Variants in FAM193A observed in about 807,000 individuals in gnomAD.
The protein encoded by FAM193A is family with sequence similarity 193 member A.
A neutral mutation model predicts 126.5 loss-of-function variants in FAM193A; 22 were observed. That is an observed-to-expected ratio of 0.17 (90% CI 0.12 to 0.25). The LOEUF is 0.25. Ranked by LOEUF, FAM193A falls within the 10% of genes least tolerant of loss-of-function variation. The pLI, the probability that FAM193A is intolerant of heterozygous loss-of-function variation, is 1.00. For missense variants in FAM193A, 1,675 were observed against 1,672.8 expected (o/e 1.00, Z -0.02); for synonymous variants, 761 against 646.8 (o/e 1.18, Z -2.68).
intron 2 of FAM193A, among the ~76,000 whole-genome samples, chr4:2,612,087 C>T (rs1013588723): frequency 6.6e-5 from 10 of 151,786 alleles, no homozygotes; most frequent in Admixed American, 1.3e-4. Context: ...CCGTCTGTCT[C>T]GGCCTCCCAA....
At chr4:2,634,695 A>G (rs539689609) in intron 5 of FAM193A, among the ~76,000 whole-genome samples, 7 of 152,368 alleles carry the variant, frequency 4.6e-5, no homozygotes, top group South Asian at 2.1e-4. Context: ...ACTGAAAAAT[A>G]CTAGTGTTCA....
Position 2,699,826 on chromosome 4 carries a change from T to G in FAM193A, c.3654T>G (p.Leu1218=). 1 of 1,613,534 alleles carries G rather than the reference T, an allele frequency of 6.2e-7. No individual in the cohort carries two copies. The highest frequency in any genetic ancestry group is 8.5e-7 in the Non-Finnish European group (1 of 1,179,826). The change falls in exon 19 of 21, where the codon CTT becomes CTG. Residue 1218 remains leucine (L), a synonymous_variant. Coordinates refer to ENST00000637812, the MANE Select transcript of FAM193A (RefSeq NM_001366318.2). The stretch of plus-strand genomic sequence containing the variant: ...AGGAATTTCAGCGGCTTCAGGAGCT[T>G]CAGAAGCTAAGAGCTGTAAAAAAGA... ...FKEEFQRLQE[L]QKLRAVKKKK... is the part of the protein sequence containing the mutation.
chr4:2,696,672 A>C (rs1288679186), intron 18 of FAM193A, 79 bp downstream of exon 18: 2 of 1,123,120 alleles, frequency 1.8e-6, no homozygotes, highest in South Asian at 1.4e-5. Flanking sequence ...GTCTCTAGGC[A>C]GGGCTGAGCC....
Position 2,693,120 on chromosome 4 carries a change from G to A in FAM193A, c.2804-466G>A, listed in dbSNP as rs983674847. Among the ~76,000 whole-genome samples, 3 of 152,034 alleles carry A rather than the reference G, an allele frequency of 2.0e-5. No individual in the cohort carries two copies. In the South Asian group the frequency reaches 6.2e-4, roughly 32 times the overall value. On this transcript the variant is annotated intron_variant, in intron 15 of 20. Transcript: ENST00000637812. ...CTGCTGGAGTGCAGTGGTGCGATCT[G>A]TGATCCTCCTGCATCAGCCTCCCGC...
chr4:2,593,144 G>A (rs1740663275), intron 1 of FAM193A, among the ~76,000 whole-genome samples: 4 of 152,138 alleles, frequency 2.6e-5, no homozygotes, highest in Admixed American at 2.6e-4. Flanking sequence ...CTTCATACTT[G>A]TCCCTAGCTC....
intron 2 of FAM193A, chr4:2,608,284 C>T (rs1248529484): frequency 2.2e-5 from 14 of 629,866 alleles, no homozygotes; most frequent in Non-Finnish European, 8.1e-6. Flanking sequence ...GTTCAAGCAA[C>T]CCTTCTGCCT....
rs1236496269 is a variant in FAM193A, at chr4:2,700,694, C to T, written c.4372+150C>T. On this transcript the variant is annotated intron_variant, in intron 19 of 20. Coordinates refer to ENST00000637812, the MANE Select transcript of FAM193A (RefSeq NM_001366318.2). The stretch of plus-strand genomic sequence containing the variant: ...AGCGTAGAGGGGCCAGGCATGGTGG[C>T]TCACACCTGTAATCCCAGCACTTTG... 6.3e-6 allele frequency: 6 copies of T among 954,772 alleles called. No homozygotes were observed. In the African/African-American group the frequency reaches 9.9e-5, roughly 16 times the overall value. The allele number at this position is 954,772 out of a possible 1,614,324, so 59.1% of individuals were successfully genotyped here. A position where few individuals can be genotyped will look rare whatever the true frequency, so the allele number is the denominator to read the frequency against.
At chr4:2,607,038 A>G (rs1243492564) in intron 2 of FAM193A, among the ~76,000 whole-genome samples, 2 of 152,230 alleles carry the variant, frequency 1.3e-5, no homozygotes, top group African/African-American at 4.8e-5. Context: ...AGTAAAATTG[A>G]CATTTCACAG....
intron 20 of FAM193A, 126 bp from the exon 21 acceptor site, chr4:2,731,649 G>A (rs1025636533): frequency 2.3e-5 from 16 of 701,704 alleles, no homozygotes; most frequent in East Asian, 2.6e-5. Flanking sequence ...GCCCCTCACC[G>A]AGAATCTAAA....
chr4:2,596,606 T>C (rs1426485329), intron 2 of FAM193A, among the ~76,000 whole-genome samples: 2 of 152,258 alleles, frequency 1.3e-5, no homozygotes, highest in African/African-American at 4.8e-5. Context: ...AGTATTTCTT[T>C]GGTGGTACAG....
At chr4:2,692,264 G>A (rs1228830551) in intron 15 of FAM193A, among the ~76,000 whole-genome samples, 1 of 152,164 alleles carries the variant, frequency 6.6e-6, no homozygotes, top group Non-Finnish European at 1.5e-5. Flanking sequence ...ACGGCGAAGG[G>A]GGAAGCCCCT....
In FAM193A at chr4:2,659,842, C is replaced by T. The variant is rs1278631572; in HGVS notation, c.1533C>T (p.His511=). 6.2e-7 allele frequency: 1 copy of T among 1,614,180 alleles called. No homozygotes were observed. The highest frequency in any genetic ancestry group is 1.1e-5 in the South Asian group (1 of 91,072). ...RCACDDCSLS[H]ILTCGIMDPP... is the part of the protein sequence containing the mutation. ...CTTGCGATGACTGCAGTCTCTCACA[C>T]ATCCTCACGTGTGGTATCATGGACC... The change falls in exon 10 of 21, where the codon CAC becomes CAT. Residue 511 remains histidine, a synonymous_variant. Transcript: ENST00000637812.
chr4:2,699,764 G>C lies in FAM193A; in HGVS notation c.3592G>C (p.Glu1198Gln). 1 of 1,613,974 alleles carries C rather than the reference G, an allele frequency of 6.2e-7. No homozygotes were observed. The highest frequency in any genetic ancestry group is 8.5e-7 in the Non-Finnish European group (1 of 1,179,942). ...GGAGGAGCAGAGGCGGCGGGAGGAG[G>C]AGGAGGATGAGGAAGAAGAGGAGGA... ...LQEEQRRREE[E>Q]EDEEEEEDRF... The change falls in exon 19 of 21, where the codon GAG (glutamate) becomes CAG (glutamine). Residue 1198 changes from glutamate to glutamine, a missense_variant. Transcript: ENST00000637812.
chr4:2,573,941 T>C (rs1449319073), intron 1 of FAM193A, among the ~76,000 whole-genome samples: 1 of 152,080 alleles, frequency 6.6e-6, no homozygotes, highest in African/African-American at 2.4e-5. Flanking sequence ...GGAGCACCCT[T>C]AGGTGTCCAG....
chr4:2,579,530 T>C (rs1361985481), intron 1 of FAM193A, among the ~76,000 whole-genome samples: 1 of 151,982 alleles, frequency 6.6e-6, no homozygotes, highest in Non-Finnish European at 1.5e-5. Flanking sequence ...AGGTCCTTTC[T>C]CTACAAAAAA....
At chr4:2,562,176 A>G (rs932354705) in intron 1 of FAM193A, among the ~76,000 whole-genome samples, 1 of 152,144 alleles carries the variant, frequency 6.6e-6, no homozygotes. Context: ...GGCCAGGTGT[A>G]GTGGTTCATC....
Position 2,597,083 on chromosome 4 carries a change from G to A in FAM193A, c.501+754G>A, listed in dbSNP as rs555162930. Among the ~76,000 whole-genome samples, 20 of 152,200 alleles carry A rather than the reference G, an allele frequency of 1.3e-4. 1 individual carries two copies. In the South Asian group the frequency reaches 4.1e-3, roughly 32 times the overall value. On this transcript the variant is annotated intron_variant, in intron 2 of 20. Coordinates refer to ENST00000637812, the MANE Select transcript of FAM193A (RefSeq NM_001366318.2). ...ACAATCTGAAGAGCGCATCCCCACTGCCTGGTGTGGGTTTCCATCTTTACT... is the reference window on the plus strand; with the variant it reads ...ACAATCTGAAGAGCGCATCCCCACTACCTGGTGTGGGTTTCCATCTTTACT...
At chr4:2,656,043 T>G (rs2109089374) in intron 7 of FAM193A, among the ~76,000 whole-genome samples, 1 of 152,282 alleles carries the variant, frequency 6.6e-6, no homozygotes, top group South Asian at 2.1e-4. Flanking sequence ...TGCTTTGGCC[T>G]ACCAAAGTGC....
chr4:2,572,022 G>C (rs975290844), intron 1 of FAM193A, among the ~76,000 whole-genome samples: 29 of 151,922 alleles, frequency 1.9e-4, no homozygotes, highest in Non-Finnish European at 4.1e-4. Flanking sequence ...AAAATTAGCT[G>C]GGCATGGTGG....
Sources: allele counts gnomAD v4.1 joint callset (sites outside exome capture counted in the v4.1 genomes callset), GRCh38; gene constraint gnomAD v4.1.1; transcripts MANE v1.5; gene names NCBI Gene and HGNC (gene_info 2026-07-23, HGNC 2026-07-21).